RPGRIP1: variants seen among roughly 807,000 people sequenced by gnomAD.
RPGRIP1 encodes the protein RPGR interacting protein 1.
RPGRIP1 carries 128 observed loss-of-function variants against 157.9 expected under a neutral mutation model. The ratio of observed to expected loss-of-function variants is 0.81; its 90% CI spans 0.70 to 0.94. The LOEUF (loss-of-function observed/expected upper bound fraction) is 0.94. RPGRIP1 is among the 40% of genes least tolerant of loss of function. The pLI is 0.00. For missense variants in RPGRIP1, 1,486 were observed against 1,545.8 expected (o/e 0.96, Z 0.65); for synonymous variants, 554 against 571.6 (o/e 0.97, Z 0.44).
intron 10 of RPGRIP1, among the ~76,000 whole-genome samples, chr14:21,314,616 G>T (rs774135700): frequency 2.0e-5 from 3 of 151,342 alleles, no homozygotes; most frequent in South Asian, 4.2e-4. Context: ...AGCCAGCCAG[G>T]CGCGGAGAAT....
At chr14:21,294,576 A>G (rs1880680670) in intron 2 of RPGRIP1, 101 bp from the exon 3 acceptor site, 5 of 1,204,150 alleles carry the variant, frequency 4.2e-6, no homozygotes, top group South Asian at 2.8e-5. Context: ...ACTTGACTCA[A>G]GATAGATTTA....
intron 11 of RPGRIP1, among the ~76,000 whole-genome samples, chr14:21,318,396 G>A (rs1010020787): frequency 1.3e-5 from 2 of 151,986 alleles, no homozygotes; most frequent in Admixed American, 6.6e-5. Flanking sequence ...ACAGGCGTGC[G>A]CCACTGTGCC....
chr14:21,349,037 C>A (rs894564463), intron 24 of RPGRIP1, among the ~76,000 whole-genome samples: 2 of 146,474 alleles, frequency 1.4e-5, no homozygotes, highest in African/African-American at 5.0e-5. Flanking sequence ...ATCCATTCTA[C>A]TTGTGAATTG....
intron 14 of RPGRIP1, chr14:21,324,235 A>G (rs1882801922): frequency 3.1e-6 from 1 of 320,966 alleles, no homozygotes; most frequent in Admixed American, 4.7e-5. Context: ...CCAATATACC[A>G]AACTTGTAGA....
intron 16 of RPGRIP1, 41 bp downstream of exon 16, chr14:21,325,424 A>C (rs1249776569): frequency 5.2e-6 from 8 of 1,540,780 alleles, no homozygotes; most frequent in Non-Finnish European, 7.0e-6. Context: ...GAGGAGCCTC[A>C]GCCAAACAGC....
chr14:21,325,377 AGAG>A lies in RPGRIP1; in HGVS notation c.2366_2367+1del, dbSNP rs1882967937. Reference sequence around the variant, plus strand: ...TGCTTGGAGGCCGGAAGGCCCAGGAAGAGGAGGTGAGAAAAAAGATGTGCCGAG... The same window carrying A: ...TGCTTGGAGGCCGGAAGGCCCAGGAAGAGGTGAGAAAAAAGATGTGCCGAG... On this transcript the variant is annotated inframe_deletion, in exon 16 of 25. Transcript: ENST00000400017. 6.4e-7 allele frequency: 1 copy of A among 1,569,514 alleles called. No individual in the cohort carries two copies. Among genetic ancestry groups the A allele is most frequent in the South Asian group, 1.2e-5 (1 of 85,740 alleles).
At chr14:21,312,313 G>A (rs2139176011) in intron 9 of RPGRIP1, 120 bp from the exon 10 acceptor site, 1 of 659,486 alleles carries the variant, frequency 1.5e-6, no homozygotes, top group Non-Finnish European at 2.6e-6. Flanking sequence ...TGGCTTCTCA[G>A]ACACTGGAGA....
intron 21 of RPGRIP1, among the ~76,000 whole-genome samples, chr14:21,339,317 G>A (rs528255515): frequency 1.5e-4 from 23 of 152,046 alleles, no homozygotes; most frequent in African/African-American, 4.1e-4. Context: ...GTGGTGGCGC[G>A]TGCTTGTAAT....
chr14:21,288,381 A>G (rs932520741), intron 2 of RPGRIP1, among the ~76,000 whole-genome samples: 4 of 151,778 alleles, frequency 2.6e-5, no homozygotes, highest in Non-Finnish European at 5.9e-5. Flanking sequence ...AGTTTTCACC[A>G]TGATGGCCAG....
chr14:21,294,212 G>A (rs1427972144), intron 2 of RPGRIP1, among the ~76,000 whole-genome samples: 1 of 149,450 alleles, frequency 6.7e-6, no homozygotes, highest in Admixed American at 6.8e-5. Flanking sequence ...CAGGGACCCA[G>A]TAGGAGTCAT....
chr14:21,348,914 G>A (rs1267656944), intron 24 of RPGRIP1, among the ~76,000 whole-genome samples: 1 of 151,776 alleles, frequency 6.6e-6, no homozygotes, highest in Admixed American at 6.6e-5. Context: ...GCTTGCCTTG[G>A]CCTCCCAAAG....
intron 13 of RPGRIP1, 28 bp downstream of exon 13, chr14:21,321,430 G>T: frequency 6.3e-7 from 1 of 1,596,848 alleles, no homozygotes; most frequent in Non-Finnish European, 8.5e-7. Flanking sequence ...ACAGGAAGGG[G>T]ATGGATAACA....
intron 21 of RPGRIP1, among the ~76,000 whole-genome samples, chr14:21,338,758 C>T (rs1337245414): frequency 1.3e-5 from 2 of 152,174 alleles, no homozygotes; most frequent in Non-Finnish European, 2.9e-5. Context: ...CTTATTCATC[C>T]TCCCATTTCA....
At chr14:21,317,990 C>G in intron 11 of RPGRIP1, 140 bp downstream of exon 11, 1 of 723,600 alleles carries the variant, frequency 1.4e-6, no homozygotes, top group Non-Finnish European at 2.4e-6. Flanking sequence ...AGAATGAGAA[C>G]ACTAGCAATA....
At chr14:21,316,952 T>G (rs1302813468) in intron 10 of RPGRIP1, among the ~76,000 whole-genome samples, 3 of 151,962 alleles carry the variant, frequency 2.0e-5, no homozygotes, top group Middle Eastern at 6.8e-3. Flanking sequence ...AAACCCCGTC[T>G]CTATTAAAAA....
chr14:21,280,538 G>A (rs916838067), intron 1 of RPGRIP1, among the ~76,000 whole-genome samples: 13 of 152,010 alleles, frequency 8.6e-5, no homozygotes, highest in African/African-American at 2.9e-4. Context: ...GAGCCACCGC[G>A]CCTGGCCTGG....
intron 12 of RPGRIP1, among the ~76,000 whole-genome samples, chr14:21,320,841 TC>T (rs975793458): frequency 1.1e-4 from 17 of 152,196 alleles, no homozygotes; most frequent in Admixed American, 5.2e-4. Context: ...CCTCTGGTGA[TC>T]CGCCCAACTC....
Position 21,345,177 on chromosome 14 carries a change from A to G in RPGRIP1, c.3597A>G (p.Gly1199=), listed in dbSNP as rs1885440405. ...GGTTTCTGTTCGACATGCTGAATGG[A>G]CAAGATCCTGATCAAGGACAGTAAG... ...RRRFLFDMLN[G]QDPDQGHLKF... Residue 1199 remains glycine (G), a synonymous_variant, in exon 23 of 25, where the codon GGA becomes GGG. Transcript: ENST00000400017. 6.2e-7 allele frequency: 1 copy of G among 1,612,880 alleles called. No homozygotes were observed. Among genetic ancestry groups the G allele is most frequent in the Admixed American group, 1.7e-5 (1 of 59,972 alleles).
At position 21,322,082 on chromosome 14, in the gene RPGRIP1, C is replaced by T. The variant is rs1594205748; in HGVS notation, c.1762+78C>T. On this transcript the variant is annotated intron_variant, in intron 14 of 24. Transcript: ENST00000400017. ...CCTGTGTTCCACTCTGTGTACTTGTCAAGAAGGGTGCCTCTCATACCCTTA... is the reference window on the plus strand; with the variant it reads ...CCTGTGTTCCACTCTGTGTACTTGTTAAGAAGGGTGCCTCTCATACCCTTA... 5 of 1,261,082 alleles carry T rather than the reference C, an allele frequency of 4.0e-6. No homozygotes were observed. The East Asian group carries it at 1.2e-4, about 30-fold the overall frequency. 78.1% of individuals were successfully genotyped at this position (1,261,082 alleles called of 1,614,324 possible).
Sources: gnomAD v4.1 joint callset for allele counts (sites outside exome capture counted in the v4.1 genomes callset) on GRCh38, gnomAD v4.1.1 for gene constraint, MANE v1.5 for transcripts, NCBI Gene and HGNC (gene_info 2026-07-23, HGNC 2026-07-21) for gene names.